Variants in AKAP13 observed in about 807,000 individuals in gnomAD.
AKAP13 encodes A-kinase anchoring protein 13.
Under a neutral mutation model 264.5 loss-of-function variants are expected in AKAP13, and 80 were observed. The ratio of observed to expected loss-of-function variants is 0.30; its 90% CI spans 0.25 to 0.36. The LOEUF (loss-of-function observed/expected upper bound fraction) is 0.36, where lower values mean the gene tolerates loss of function less well. AKAP13 is among the 10% of genes least tolerant of loss of function. The pLI is 1.00. For synonymous variants in AKAP13, 1,380 were observed against 1,250.2 expected (o/e 1.10, Z -2.19); for missense variants, 3,712 against 3,435.2 (o/e 1.08, Z -2.01).
chr15:85,528,395 C>T (rs1262087843), intron 3 of AKAP13, among the ~76,000 whole-genome samples: 1 of 152,178 alleles, frequency 6.6e-6, no homozygotes, highest in Non-Finnish European at 1.5e-5. Context: ...GCTGGAGAAG[C>T]TCTTTGTAGA....
chr15:85,684,969 A>G (rs557064817), intron 16 of AKAP13, 96 bp downstream of exon 16: 2 of 1,381,566 alleles, frequency 1.4e-6, no homozygotes, highest in African/African-American at 2.9e-5. Context: ...GGGGACATAA[A>G]TGGAAATAAA....
At position 85,547,786 on chromosome 15, in the gene AKAP13, A is replaced by G. The variant is rs146068410; in HGVS notation, c.662+3831A>G. ...GAGCATAACTCAGTGATTGACATATATGTTATCTCTTATTTCCCTTTCTTT... is the reference window on the plus strand; with the variant it reads ...GAGCATAACTCAGTGATTGACATATGTGTTATCTCTTATTTCCCTTTCTTT... On this transcript the variant is annotated intron_variant, in intron 5 of 36. Coordinates refer to ENST00000394518, the MANE Select transcript of AKAP13 (RefSeq NM_007200.5). 6.4e-3 allele frequency among the ~76,000 whole-genome samples: 970 copies of G among 152,294 alleles called. 11 individuals carry two copies. The highest frequency in any genetic ancestry group is 0.022 in the African/African-American group (910 of 41,550).
chr15:85,739,001 T>A (rs1049090362), intron 33 of AKAP13, among the ~76,000 whole-genome samples: 1 of 152,246 alleles, frequency 6.6e-6, no homozygotes, highest in Admixed American at 6.5e-5. Context: ...TTCCTCTTAA[T>A]ATGCATTAAA....
intron 7 of AKAP13, among the ~76,000 whole-genome samples, chr15:85,585,149 A>G (rs1436452168): frequency 6.6e-6 from 1 of 152,236 alleles, no homozygotes; most frequent in Non-Finnish European, 1.5e-5. Flanking sequence ...TGGAAGAAAT[A>G]AGGGTTAAAA....
intron 17 of AKAP13, among the ~76,000 whole-genome samples, chr15:85,707,102 A>G (rs2151686518): frequency 6.6e-6 from 1 of 152,238 alleles, no homozygotes; most frequent in East Asian, 1.9e-4. Flanking sequence ...TCTGTGGTTG[A>G]TTTCCTGAGT....
At chr15:85,628,374 C>T (rs1021358562) in intron 8 of AKAP13, among the ~76,000 whole-genome samples, 1 of 152,154 alleles carries the variant, frequency 6.6e-6, no homozygotes, top group African/African-American at 2.4e-5. Context: ...GTGTAGCTGA[C>T]AGCAAGATAG....
At chr15:85,485,800 G>A (rs367620847) in intron 2 of AKAP13, 47 bp downstream of exon 2, 6 of 1,580,348 alleles carry the variant, frequency 3.8e-6, no homozygotes, top group Non-Finnish European at 4.3e-6. Context: ...TATCTGTTCT[G>A]CTTACTTGTT....
At chr15:85,653,625 A>T (rs903835034) in intron 10 of AKAP13, among the ~76,000 whole-genome samples, 2 of 152,210 alleles carry the variant, frequency 1.3e-5, no homozygotes, top group Non-Finnish European at 2.9e-5. Flanking sequence ...CTTGTTTTCT[A>T]TTCCAAAGCT....
chr15:85,409,375 A>C (rs1008820729), intron 1 of AKAP13, among the ~76,000 whole-genome samples: 3 of 151,364 alleles, frequency 2.0e-5, no homozygotes, highest in Non-Finnish European at 2.9e-5. Context: ...ACAGGGTTTC[A>C]TCATGTTGTC....
In AKAP13 at chr15:85,580,970, A is replaced by G; in HGVS notation, c.2902A>G (p.Ile968Val). Residue 968 changes from isoleucine to valine, a missense_variant, in exon 7 of 37, where the codon ATC becomes GTC. Physicochemically the swap from Ile to Val is conservative, Grantham distance 29. Around this residue, in one of 3 missense-constraint regions of AKAP13, gnomAD observed 2,759 missense variants for 2,411.7 expected, o/e 1.14. Transcript: ENST00000394518. ...TACTCAACAATTTCATGAAAAATCA[A>G]TCTCAGCTGACTGTGCCAAGGACAA... The part of the protein sequence containing the change: ...QDTQQFHEKS[I>V]SADCAKDKAL... 2 of 1,614,162 alleles carry G rather than the reference A, an allele frequency of 1.2e-6. No homozygotes were observed. Among genetic ancestry groups the G allele is most frequent in the Non-Finnish European group, 1.7e-6 (2 of 1,180,030 alleles).
chr15:85,383,357 G>C (rs1241841782), intron 1 of AKAP13, among the ~76,000 whole-genome samples: 4 of 152,202 alleles, frequency 2.6e-5, no homozygotes, highest in African/African-American at 7.2e-5. Context: ...CAGAGCTTCA[G>C]TTTCCTACTC....
chr15:85,738,418 A>G (rs1398185179), intron 33 of AKAP13, among the ~76,000 whole-genome samples: 3 of 152,140 alleles, frequency 2.0e-5, no homozygotes, highest in African/African-American at 7.2e-5. Flanking sequence ...ATAAGGGGTA[A>G]AAAATTTTCT....
chr15:85,484,058 A>G (rs538394682), intron 1 of AKAP13, among the ~76,000 whole-genome samples: 3 of 152,240 alleles, frequency 2.0e-5, no homozygotes, highest in Admixed American at 6.5e-5. Flanking sequence ...TTGACAAGTT[A>G]GTTAAGGTAG....
At chr15:85,503,172 T>G (rs1035299897) in intron 2 of AKAP13, among the ~76,000 whole-genome samples, 4 of 152,226 alleles carry the variant, frequency 2.6e-5, no homozygotes, top group Non-Finnish European at 5.9e-5. Flanking sequence ...AAGACACTCC[T>G]GGCACATAGT....
At chr15:85,446,532 A>C (rs1051051194) in intron 1 of AKAP13, among the ~76,000 whole-genome samples, 8 of 152,144 alleles carry the variant, frequency 5.3e-5, no homozygotes, top group African/African-American at 1.9e-4. Flanking sequence ...CTTAGAAAAG[A>C]CTTTAGGGCT....
chr15:85,652,187 A>T (rs1247667334), intron 10 of AKAP13, among the ~76,000 whole-genome samples: 1 of 152,240 alleles, frequency 6.6e-6, no homozygotes, highest in African/African-American at 2.4e-5. Flanking sequence ...CTTTGTTTTT[A>T]AAATGTGTAT....
intron 1 of AKAP13, among the ~76,000 whole-genome samples, chr15:85,447,441 G>A (rs2073940963): frequency 6.6e-6 from 1 of 151,964 alleles, no homozygotes; most frequent in Admixed American, 6.6e-5. Flanking sequence ...ACATGTCACG[G>A]GTGTTTGTTT....
At chr15:85,416,212 C>G (rs1043926998) in intron 1 of AKAP13, among the ~76,000 whole-genome samples, 1 of 152,016 alleles carries the variant, frequency 6.6e-6, no homozygotes, top group Non-Finnish European at 1.5e-5. Context: ...AGTTAAATAC[C>G]TCTATTCATT....
intron 16 of AKAP13, among the ~76,000 whole-genome samples, chr15:85,688,449 T>C (rs1310274477): frequency 6.6e-6 from 1 of 152,220 alleles, no homozygotes; most frequent in Non-Finnish European, 1.5e-5. Context: ...AATTTAAGCA[T>C]CTACCGAATA....
Sources: allele counts gnomAD v4.1 joint callset (sites outside exome capture counted in the v4.1 genomes callset), GRCh38; gene constraint gnomAD v4.1.1; regional missense constraint gnomAD v4.1.1; transcripts MANE v1.5; gene names NCBI Gene and HGNC (gene_info 2026-07-23, HGNC 2026-07-21).